The following PCBD2 variants were observed in gnomAD, a reference collection of about 807,000 sequenced individuals.
PCBD2 encodes the protein pterin-4 alpha-carbinolamine dehydratase 2.
In PCBD2, 12 loss-of-function variants were observed where a neutral mutation model predicts 16.4. The ratio of observed to expected loss-of-function variants is 0.73; its 90% CI spans 0.47 to 1.19. The LOEUF is 1.19. PCBD2 is among the 50% of genes most tolerant of loss of function. The probability of loss-of-function intolerance (pLI) is 0.00; values close to 1 mark genes in which losing one functional copy is unlikely to be tolerated. For synonymous variants in PCBD2, 58 were observed against 61.8 expected (o/e 0.94, Z 0.29); for missense variants, 138 against 156.8 (o/e 0.88, Z 0.64).
At chr5:134,914,906 C>T (rs78165052) in intron 2 of PCBD2, among the ~76,000 whole-genome samples, 17,718 of 152,150 alleles carry the variant, frequency 0.12, 1,289 homozygotes, top group East Asian at 0.26. Context: ...TTCCTGACCT[C>T]AGGTGATCTG....
At chr5:134,919,882 T>C (rs916381051) in intron 2 of PCBD2, among the ~76,000 whole-genome samples, 3 of 152,210 alleles carry the variant, frequency 2.0e-5, no homozygotes, top group African/African-American at 7.2e-5. Flanking sequence ...GTTTTGTCCA[T>C]AGTTGTGGTG....
At chr5:134,944,014 A>G (rs955979473) in intron 2 of PCBD2, among the ~76,000 whole-genome samples, 1 of 152,236 alleles carries the variant, frequency 6.6e-6, no homozygotes, top group Non-Finnish European at 1.5e-5. Context: ...AACAGCAGAA[A>G]GCAACATTTG....
chr5:134,918,514 AAAAT>A (rs1379091671), intron 2 of PCBD2, among the ~76,000 whole-genome samples: 4 of 152,174 alleles, frequency 2.6e-5, no homozygotes, highest in African/African-American at 4.8e-5. Flanking sequence ...AAAATAAAAT[AAAAT>A]AAAAATTAAA....
At chr5:134,923,506 G>T in intron 2 of PCBD2, 1 of 279,242 alleles carries the variant, frequency 3.6e-6, no homozygotes, top group South Asian at 1.6e-4. Context: ...AAGATAAAGT[G>T]AAAGGTAAAG....
intron 2 of PCBD2, chr5:134,927,205 G>T: frequency 2.5e-6 from 1 of 398,514 alleles, no homozygotes. Flanking sequence ...TCTGTTTGTC[G>T]CAGGCAGATG....
intron 2 of PCBD2, among the ~76,000 whole-genome samples, chr5:134,948,226 A>G (rs1751320905): frequency 1.3e-5 from 2 of 152,248 alleles, no homozygotes; most frequent in African/African-American, 2.4e-5. Flanking sequence ...GCCCAATAGT[A>G]GCTGATGAAG....
At chr5:134,957,268 A>G (rs1751424952) in intron 2 of PCBD2, among the ~76,000 whole-genome samples, 1 of 152,148 alleles carries the variant, frequency 6.6e-6, no homozygotes, top group Non-Finnish European at 1.5e-5. Context: ...CAAAAAGAAA[A>G]AAGAAAACTG....
At chr5:134,941,536 A>G (rs981478695) in intron 2 of PCBD2, among the ~76,000 whole-genome samples, 9 of 152,212 alleles carry the variant, frequency 5.9e-5, no homozygotes, top group East Asian at 1.9e-4. Context: ...TAAAAGATAT[A>G]TTTGGTATAC....
intron 2 of PCBD2, among the ~76,000 whole-genome samples, chr5:134,946,101 TTAAAAC>T (rs1322106890): frequency 2.6e-5 from 4 of 151,226 alleles, no homozygotes; most frequent in Non-Finnish European, 4.4e-5. Context: ...ATAAGATTGT[TTAAAAC>T]AAAAACAAAA....
In PCBD2 at chr5:134,919,323, CT is replaced by C. The variant is rs911416621; in HGVS notation, c.216+8865del. On this transcript the variant is annotated intron_variant, in intron 2 of 3. Coordinates refer to ENST00000254908, the MANE Select transcript of PCBD2 (RefSeq NM_032151.5). ...ATTGGTATGATTAATGCATTCATTG[CT>C]TTTTTTTATTGCTTTTCACAGATAA... Among the ~76,000 whole-genome samples, 17 of 151,988 alleles carry C rather than the reference CT, an allele frequency of 1.1e-4. No homozygotes were observed. The East Asian group carries it at 1.4e-3, about 12-fold the overall frequency.
intron 2 of PCBD2, among the ~76,000 whole-genome samples, chr5:134,918,919 A>T (rs968067528): frequency 4.6e-5 from 7 of 152,160 alleles, no homozygotes; most frequent in African/African-American, 1.7e-4. Flanking sequence ...GTTGCTGCTG[A>T]TTGTGTCGTA....
intron 2 of PCBD2, chr5:134,925,257 T>C (rs1561909329): frequency 2.5e-6 from 1 of 398,438 alleles, no homozygotes; most frequent in Non-Finnish European, 4.4e-6. Context: ...TTGTGTATGA[T>C]ATGTTTGCGG....
At chr5:134,908,260 TC>T (rs1417322930) in intron 1 of PCBD2, among the ~76,000 whole-genome samples, 1 of 150,992 alleles carries the variant, frequency 6.6e-6, no homozygotes, top group Non-Finnish European at 1.5e-5. Context: ...AGACAGAGTT[TC>T]ACTCTGTTGC....
chr5:134,918,302 C>T (rs895405569), intron 2 of PCBD2, among the ~76,000 whole-genome samples: 1 of 152,008 alleles, frequency 6.6e-6, no homozygotes, highest in Non-Finnish European at 1.5e-5. Flanking sequence ...GTCAGGAGTT[C>T]GACACCAGCC....
chr5:134,952,806 T>C (rs1005343155), intron 2 of PCBD2, among the ~76,000 whole-genome samples: 3 of 150,196 alleles, frequency 2.0e-5, no homozygotes, highest in African/African-American at 4.9e-5. Context: ...ACCCTGTCTC[T>C]TAAAAAAAAA....
intron 2 of PCBD2, among the ~76,000 whole-genome samples, chr5:134,940,110 C>T (rs1751208216): frequency 1.3e-5 from 2 of 152,158 alleles, no homozygotes; most frequent in African/African-American, 2.4e-5. Flanking sequence ...CACCCAGGTA[C>T]ACCTTCCTTT....
chr5:134,912,942 C>T (rs564182839), intron 2 of PCBD2, among the ~76,000 whole-genome samples: 47 of 152,210 alleles, frequency 3.1e-4, no homozygotes, highest in African/African-American at 1.0e-3. Context: ...GTAACAACAG[C>T]ATAACATTAA....
intron 2 of PCBD2, among the ~76,000 whole-genome samples, chr5:134,953,519 G>A (rs1337897044): frequency 6.6e-6 from 1 of 151,942 alleles, no homozygotes; most frequent in East Asian, 1.9e-4. Flanking sequence ...TTCTGGCTGG[G>A]CATTGTGGCT....
intron 2 of PCBD2, among the ~76,000 whole-genome samples, chr5:134,957,526 G>T (rs946559652): frequency 1.3e-5 from 2 of 152,162 alleles, no homozygotes; most frequent in African/African-American, 4.8e-5. Flanking sequence ...TCATGGCTGG[G>T]CATGGTGGCA....
Sources: allele counts gnomAD v4.1 joint callset (sites outside exome capture counted in the v4.1 genomes callset), GRCh38; gene constraint gnomAD v4.1.1; transcripts MANE v1.5; gene names NCBI Gene and HGNC (gene_info 2026-07-23, HGNC 2026-07-21).